The following ITGB8 variants were observed in gnomAD, a reference collection of about 807,000 sequenced individuals.
ITGB8 encodes integrin beta-8.
In ITGB8, 30 loss-of-function variants were observed where a neutral mutation model predicts 89.5. That is an observed-to-expected ratio of 0.34 (90% CI 0.25 to 0.45). The LOEUF (loss-of-function observed/expected upper bound fraction) is 0.45, where lower values mean the gene tolerates loss of function less well. Among genes scored for constraint, ITGB8 ranks in the 20% least tolerant of loss-of-function variants. The pLI is 1.00. For missense variants in ITGB8, 836 were observed against 933.3 expected, an observed-to-expected ratio of 0.90 and a Z score of 1.36; for synonymous variants, 335 against 320.4, an observed-to-expected ratio of 1.05 and a Z score of -0.49.
rs756350539 is a variant in ITGB8, at chr7:20,367,075, G to A, written c.277G>A (p.Gly93Ser). Residue 93 changes from glycine (G) to serine (S), a missense_variant, in exon 3 of 14, where the codon GGC becomes AGC. By Grantham distance (56) the Gly-to-Ser change is moderately conservative. Transcript: ENST00000222573. ...CDIVSNLISK[G>S]CSVDSIEYPS... ...TATTGTTTCCAATTTAATAAGCAAA[G>A]GCTGCTCAGTTGATTCAATAGAATA... 7 of 1,612,366 alleles carry A rather than the reference G, an allele frequency of 4.3e-6. No homozygotes were observed. The South Asian group carries it at 7.7e-5, about 18-fold the overall frequency.
chr7:20,386,247 T>TC (rs1000861701), intron 6 of ITGB8, among the ~76,000 whole-genome samples: 14 of 151,006 alleles, frequency 9.3e-5, no homozygotes, highest in African/African-American at 3.4e-4. Context: ...GAGAACATTT[T>TC]TTTTTTTTTG....
At chr7:20,373,699 A>G (rs1786024382) in intron 3 of ITGB8, among the ~76,000 whole-genome samples, 1 of 152,200 alleles carries the variant, frequency 6.6e-6, no homozygotes, top group Non-Finnish European at 1.5e-5. Flanking sequence ...GCCATTATAA[A>G]CTGGTCCCAT....
Position 20,367,945 on chromosome 7 carries a change from C to G in ITGB8, c.388+759C>G, listed in dbSNP as rs191565092. ...AATCAAGGTACACAGATGCGCACCA[C>G]TCAATTGGATGCATGTAGTTTAACG... On this transcript the variant is annotated intron_variant, in intron 3 of 13. Coordinates refer to ENST00000222573, the MANE Select transcript of ITGB8 (RefSeq NM_002214.3). Among the ~76,000 whole-genome samples the G allele has an allele frequency of 5.9e-5, 9 of 152,336 alleles. No individual in the cohort carries two copies. In the East Asian group the frequency reaches 1.7e-3, roughly 29 times the overall value.
Position 20,391,426 on chromosome 7 carries a change from T to G in ITGB8, c.984T>G (p.Leu328=), listed in dbSNP as rs549296587. ...TTMEHPSLGQ[L]SEKLIDNNIN... ...AGGAACACCCCTCACTAGGCCAACT[T>G]TCAGAGAAATTAATAGACAACAACA... The change falls in exon 7 of 14, where the codon CTT becomes CTG. Residue 328 remains leucine (L), a synonymous_variant. Transcript: ENST00000222573. 37 of 1,601,656 alleles carry G rather than the reference T, an allele frequency of 2.3e-5. 1 individual carries two copies. The East Asian group carries it at 7.7e-4, about 33-fold the overall frequency.
intron 1 of ITGB8, among the ~76,000 whole-genome samples, chr7:20,351,165 G>T (rs1246917936): frequency 2.6e-5 from 4 of 152,182 alleles, no homozygotes; most frequent in Admixed American, 6.5e-5. Flanking sequence ...TTGTATTAAA[G>T]AATTTTCTGG....
chr7:20,369,246 A>C (rs949155853), intron 3 of ITGB8, among the ~76,000 whole-genome samples: 1 of 152,206 alleles, frequency 6.6e-6, no homozygotes, highest in Non-Finnish European at 1.5e-5. Context: ...GAAAAATAAT[A>C]AACAGTCTCT....
At chr7:20,388,804 A>G (rs980839866) in intron 6 of ITGB8, among the ~76,000 whole-genome samples, 6 of 152,044 alleles carry the variant, frequency 3.9e-5, no homozygotes, top group African/African-American at 1.4e-4. Context: ...AACCCCTGAC[A>G]GGCCCTGGTG....
intron 9 of ITGB8, 41 bp from the exon 10 acceptor site, chr7:20,401,680 T>G: frequency 1.7e-6 from 2 of 1,186,794 alleles, no homozygotes; most frequent in Non-Finnish European, 2.3e-6. Flanking sequence ...TAAAAATAAT[T>G]AAGGTATATA....
chr7:20,382,469 C>A (rs1786438536), intron 6 of ITGB8, among the ~76,000 whole-genome samples: 1 of 152,140 alleles, frequency 6.6e-6, no homozygotes, highest in African/African-American at 2.4e-5. Flanking sequence ...AATATAATCA[C>A]CTAGAACCAT....
chr7:20,381,963 T>C lies in ITGB8; in HGVS notation c.960+78T>C, dbSNP rs1786416871. The C allele has an allele frequency of 7.2e-6, 9 of 1,243,386 alleles. No homozygotes were observed. The Admixed American group carries it at 1.9e-4, about 26-fold the overall frequency. The allele number at this position is 1,243,386 out of a possible 1,614,324, so 77.0% of individuals were successfully genotyped here. A position where few individuals can be genotyped will look rare whatever the true frequency, so the allele number is the denominator to read the frequency against. On this transcript the variant is annotated intron_variant, in intron 6 of 13. Transcript: ENST00000222573. ...TTTTAAATTGGCAACTCAACTATTTTTGTACCAGGAAATTACCTACAAAAG... is the reference window on the plus strand; with the variant it reads ...TTTTAAATTGGCAACTCAACTATTTCTGTACCAGGAAATTACCTACAAAAG...
At position 20,379,175 on chromosome 7, in the gene ITGB8, C is replaced by A; in HGVS notation, c.513C>A (p.Asn171Lys). The A allele has an allele frequency of 6.2e-7, 1 of 1,611,770 alleles. No homozygotes were observed. The highest frequency in any genetic ancestry group is 1.3e-5 in the African/African-American group (1 of 74,894). Residue 171 changes from asparagine (N) to lysine (K), a missense_variant, in exon 4 of 14, where the codon AAC (asparagine) becomes AAA (lysine). Physicochemically the swap from Asn to Lys is moderately conservative, Grantham distance 94 (BLOSUM62 0). Around this residue, in one of 5 missense-constraint regions of ITGB8, gnomAD observed 38 missense variants for 52.2 expected, o/e 0.73. Coordinates refer to ENST00000222573, the MANE Select transcript of ITGB8 (RefSeq NM_002214.3). ...TAGAAAAATTAAATTCCGTTGGAAACGATTTATCTAGAAAAATGGCATTTT... is the reference window on the plus strand; with the variant it reads ...TAGAAAAATTAAATTCCGTTGGAAAAGATTTATCTAGAAAAATGGCATTTT... ...NNIEKLNSVG[N>K]DLSRKMAFFS...
intron 1 of ITGB8, among the ~76,000 whole-genome samples, chr7:20,361,387 CA>C (rs1785498638): frequency 6.6e-6 from 1 of 152,176 alleles, no homozygotes; most frequent in Non-Finnish European, 1.5e-5. Flanking sequence ...AATTTACAAA[CA>C]ATACAAATTT....
intron 3 of ITGB8, among the ~76,000 whole-genome samples, chr7:20,375,881 A>G (rs188645932): frequency 6.6e-6 from 1 of 152,368 alleles, no homozygotes; most frequent in East Asian, 1.9e-4. Flanking sequence ...ATAGTGGTAA[A>G]GTATTAATAG....
chr7:20,396,145 A>G (rs1787064045), intron 8 of ITGB8, among the ~76,000 whole-genome samples: 1 of 152,194 alleles, frequency 6.6e-6, no homozygotes, highest in African/African-American at 2.4e-5. Flanking sequence ...AATATATGAA[A>G]TGAAGAACTT....
At chr7:20,382,865 T>C (rs1786456383) in intron 6 of ITGB8, among the ~76,000 whole-genome samples, 1 of 152,254 alleles carries the variant, frequency 6.6e-6, no homozygotes, top group Non-Finnish European at 1.5e-5. Flanking sequence ...TTCTTCCGTG[T>C]TGATTTTCAA....
intron 6 of ITGB8, among the ~76,000 whole-genome samples, chr7:20,390,126 A>G (rs930497072): frequency 6.6e-6 from 1 of 152,154 alleles, no homozygotes; most frequent in African/African-American, 2.4e-5. Flanking sequence ...ATGTTTACCA[A>G]GTTGGTTTAA....
intron 7 of ITGB8, among the ~76,000 whole-genome samples, chr7:20,394,674 T>C (rs1786998229): frequency 6.6e-6 from 1 of 152,336 alleles, no homozygotes; most frequent in South Asian, 2.1e-4. Context: ...TGATTCCGGA[T>C]GCACACACAG....
chr7:20,404,669 G>A lies in ITGB8; in HGVS notation c.1729G>A (p.Gly577Ser), dbSNP rs771533036. ...AGCAGGCAGATGCCAATGCTTCAGT[G>A]GCTGGGAAGGTGATCGATGCCAGTG... ...CEAGRCQCFS[G>S]WEGDRCQCPS... The change falls in exon 11 of 14, where the codon GGC becomes AGC. Residue 577 changes from glycine (G) to serine (S), a missense_variant. Physicochemically the swap from Gly to Ser is moderately conservative, Grantham distance 56. Transcript: ENST00000222573. 3.7e-6 allele frequency: 6 copies of A among 1,614,028 alleles called. No individual in the cohort carries two copies. The highest frequency in any genetic ancestry group is 5.1e-6 in the Non-Finnish European group (6 of 1,179,992).
chr7:20,411,648 A>G lies in ITGB8; in HGVS notation c.*1651A>G, dbSNP rs1475720114. ...ATATTCAATTGGCAAATGTTTTTCA[A>G]TGTGATTTACTCATGTCTTAAGTGT... is the stretch of plus-strand genomic sequence containing the variant. On this transcript the variant is annotated 3_prime_UTR_variant, in exon 14 of 14. Coordinates refer to ENST00000222573, the MANE Select transcript of ITGB8 (RefSeq NM_002214.3). 2.0e-5 allele frequency: 3 copies of G among 152,796 alleles called. No homozygotes were observed. Among genetic ancestry groups the G allele is most frequent in the South Asian group, 4.1e-4 (2 of 4,824 alleles). The allele number at this position is 152,796 out of a possible 1,614,324, so 9.5% of individuals were successfully genotyped here. A position where few individuals can be genotyped will look rare whatever the true frequency, so the allele number is the denominator to read the frequency against.
Sources: gnomAD v4.1 joint callset for allele counts (sites outside exome capture counted in the v4.1 genomes callset) on GRCh38, gnomAD v4.1.1 for gene constraint, gnomAD v4.1.1 regional missense constraint, MANE v1.5 for transcripts, NCBI Gene and HGNC (gene_info 2026-07-23, HGNC 2026-07-21) for gene names.